CYP24A1: variants seen among roughly 807,000 people sequenced by gnomAD.
CYP24A1 encodes 1,25-dihydroxyvitamin D(3) 24-hydroxylase, mitochondrial.
In CYP24A1, 68 loss-of-function variants were observed where a neutral mutation model predicts 62.4. That is an observed-to-expected ratio of 1.09 (90% CI 0.90 to 1.33). The LOEUF is 1.33. Among genes scored for constraint, CYP24A1 ranks in the 40% most tolerant of loss-of-function variants. The pLI is 0.00. For synonymous variants in CYP24A1, 267 were observed against 253.0 expected (o/e 1.06, Z -0.52); for missense variants, 787 against 653.0 (o/e 1.21, Z -2.24).
the CYP24A1 span, among the ~76,000 whole-genome samples, chr20:54,146,308 T>A: frequency 2.0e-5 from 3 of 152,306 alleles, no homozygotes; most frequent in African/African-American, 7.2e-5. Context: ...CCGGCACCCT[T>A]GGCCTATTGA....
chr20:54,150,346 T>G (rs1314945721), downstream of CYP24A1, among the ~76,000 whole-genome samples: 1 of 152,224 alleles, frequency 6.6e-6, no homozygotes, highest in Non-Finnish European at 1.5e-5. Context: ...TTTTATTTTA[T>G]TTTTTGATAT....
intron 7 of CYP24A1, 93 bp from the exon 8 acceptor site, chr20:54,159,216 C>G: frequency 1.0e-6 from 1 of 963,306 alleles, no homozygotes; most frequent in Non-Finnish European, 1.7e-6. Flanking sequence ...CCACCTTATT[C>G]TGCAAATGTA....
chr20:54,145,639 CAAA>C, the CYP24A1 span, among the ~76,000 whole-genome samples: 33 of 93,820 alleles, frequency 3.5e-4, no homozygotes, highest in African/African-American at 5.5e-4. Flanking sequence ...GACTCTGTCT[CAAA>C]AAAAAAAAAA....
At chr20:54,144,022 A>C in the CYP24A1 span, among the ~76,000 whole-genome samples, 4 of 152,210 alleles carry the variant, frequency 2.6e-5, no homozygotes, top group African/African-American at 9.6e-5. Flanking sequence ...ATAAACCAGT[A>C]ACCATGAAGG....
At position 54,173,880 on chromosome 20, in the gene CYP24A1, G is replaced by A. The variant is rs2092704401; in HGVS notation, c.-301C>T. The A allele has an allele frequency of 4.0e-6, 2 of 501,468 alleles. No individual in the cohort carries two copies. The highest frequency in any genetic ancestry group is 7.2e-6 in the Non-Finnish European group (2 of 277,648). The allele number at this position is 501,468 out of a possible 1,614,324, so 31.1% of individuals were successfully genotyped here. On this transcript the variant is annotated 5_prime_UTR_variant, in exon 1 of 12. Transcript: ENST00000216862. The surrounding 1 kb of genome is among the most constrained non-coding windows in gnomAD (Gnocchi z 7.2). ...AAAAGGGAAAGCTGGGAGTCCTCCT[G>A]TTGGTCCGCAAGGCTGACCTCTAGG... is the stretch of plus-strand genomic sequence containing the variant.
intron 7 of CYP24A1, 74 bp from the exon 8 acceptor site, chr20:54,159,197 T>A: frequency 1.7e-6 from 2 of 1,160,724 alleles, no homozygotes; most frequent in East Asian, 2.3e-5. Flanking sequence ...GAAAAAAAGG[T>A]GATGCCCACC....
At chr20:54,170,453 C>G (rs1322828915) in intron 3 of CYP24A1, among the ~76,000 whole-genome samples, 1 of 152,134 alleles carries the variant, frequency 6.6e-6, no homozygotes, top group East Asian at 1.9e-4. Flanking sequence ...AGTTGCCATC[C>G]TGGACCCTGC....
In CYP24A1 at chr20:54,171,623, A is replaced by C. The variant is rs750971717; in HGVS notation, c.497T>G (p.Leu166Arg). ...CTTCATCACTTCCCCTGGTTTCATT[A>C]GTTTCTTTTGAAAGGCACTCCGGAC... ...QRVRSAFQKK[L>R]MKPGEVMKLD... The change falls in exon 3 of 12, where the codon CTA becomes CGA. Residue 166 changes from leucine to arginine, a missense_variant. By Grantham distance (102) the Leu-to-Arg change is moderately radical. Transcript: ENST00000216862. 6.2e-7 allele frequency: 1 copy of C among 1,613,904 alleles called. No homozygotes were observed. Among genetic ancestry groups the C allele is most frequent in the Admixed American group, 1.7e-5 (1 of 60,002 alleles).
chr20:54,149,448 C>A (rs929531748), downstream of CYP24A1, among the ~76,000 whole-genome samples: 1 of 151,428 alleles, frequency 6.6e-6, no homozygotes, highest in African/African-American at 2.4e-5. Flanking sequence ...AACCAGTACA[C>A]AATAATATAT....
chr20:54,156,083 A>G (rs1324035719), intron 11 of CYP24A1, among the ~76,000 whole-genome samples: 1 of 152,216 alleles, frequency 6.6e-6, no homozygotes, highest in Non-Finnish European at 1.5e-5. Flanking sequence ...TGATAAATAT[A>G]TACATTTATA....
rs1363568546 is a variant in CYP24A1, at chr20:54,153,994, G to A, written c.*778C>T. The A allele has an allele frequency of 6.6e-6, 1 of 151,916 alleles. No individual in the cohort carries two copies. The highest frequency in any genetic ancestry group is 1.5e-5 in the Non-Finnish European group (1 of 67,996). The allele number at this position is 151,916 out of a possible 1,614,324, so 9.4% of individuals were successfully genotyped here. A position where few individuals can be genotyped will look rare whatever the true frequency, so the allele number is the denominator to read the frequency against. ...CCCTGCACCACAGATCCTAAATCAA[G>A]TACTGCAAATATTAAAAAAATGACT... On this transcript the variant is annotated 3_prime_UTR_variant, in exon 12 of 12. Coordinates refer to ENST00000216862, the MANE Select transcript of CYP24A1 (RefSeq NM_000782.5).
intron 4 of CYP24A1, 142 bp from the exon 5 acceptor site, chr20:54,165,975 G>A: frequency 2.6e-5 from 18 of 693,860 alleles, no homozygotes; most frequent in Admixed American, 1.1e-4. Context: ...CAAGAATATT[G>A]AGGAAAAGCA....
Position 54,169,634 on chromosome 20 carries a change from C to T in CYP24A1, c.598G>A (p.Val200Ile), listed in dbSNP as rs770028088. The change falls in exon 4 of 12, where the codon GTT (valine) becomes ATT (isoleucine). Residue 200 changes from valine to isoleucine, a missense_variant. By Grantham distance (29) the Val-to-Ile change is conservative (BLOSUM62 3). Transcript: ENST00000216862. ...IDELCDERGH[V>I]EDLYSELNKW... ...TTCAGTTCGCTGTACAAGTCTTCAA[C>T]GTGGCCTCTTTCATCACAGAGCTCA... 5.4e-5 allele frequency: 87 copies of T among 1,614,086 alleles called. No individual in the cohort carries two copies. The highest frequency in any genetic ancestry group is 2.1e-4 in the South Asian group (19 of 91,086).
the CYP24A1 span, among the ~76,000 whole-genome samples, chr20:54,147,858 G>A: frequency 6.6e-6 from 1 of 151,972 alleles, no homozygotes; most frequent in African/African-American, 2.4e-5. Context: ...TCTTGAGACA[G>A]AGTTTTACTC....
intron 6 of CYP24A1, 23 bp from the exon 7 acceptor site, chr20:54,162,885 G>C: frequency 6.7e-7 from 1 of 1,502,504 alleles, no homozygotes; most frequent in Non-Finnish European, 9.3e-7. Context: ...AGAAGAAAGA[G>C]AGGAAGTCAG....
In CYP24A1 at chr20:54,172,967, T is replaced by C. The variant is rs1338935940; in HGVS notation, c.391A>G (p.Ile131Val). Residue 131 changes from isoleucine (I) to valine (V), a missense_variant, in exon 2 of 12, where the codon ATC (isoleucine) becomes GTC (valine). Transcript: ENST00000216862. ...TCGCGATAGGCCTTCCACGGTTTGA[T>C]CTCCAGCCGCTGCGGGTACGCGCTC... ...TESAYPQRLEIKPWKAYRDYR... is the reference protein window; with the variant it reads ...TESAYPQRLEVKPWKAYRDYR... 7 of 1,613,102 alleles carry C rather than the reference T, an allele frequency of 4.3e-6. 1 individual carries two copies. In the South Asian group the frequency reaches 7.7e-5, roughly 18 times the overall value.
chr20:54,155,749 A>G (rs1022247707), intron 11 of CYP24A1, among the ~76,000 whole-genome samples: 4 of 151,758 alleles, frequency 2.6e-5, no homozygotes. Context: ...AAAAAAAAAA[A>G]AAAAAAAAAA....
At chr20:54,162,351 A>G (rs541181106) in intron 7 of CYP24A1, among the ~76,000 whole-genome samples, 1 of 148,878 alleles carries the variant, frequency 6.7e-6, no homozygotes, top group South Asian at 2.1e-4. Context: ...GTATCTTGCC[A>G]GGGCAGAGAA....
chr20:54,165,126 C>T (rs377546987), intron 5 of CYP24A1, among the ~76,000 whole-genome samples: 1 of 152,380 alleles, frequency 6.6e-6, no homozygotes, highest in Middle Eastern at 3.4e-3. Context: ...ACCCCCAGGC[C>T]GTGAACCAGT....
Sources: gnomAD v4.1 joint callset for allele counts (sites outside exome capture counted in the v4.1 genomes callset) on GRCh38, gnomAD v4.1.1 for gene constraint, Gnocchi (gnomAD v3.1) non-coding constraint, MANE v1.5 for transcripts, NCBI Gene and HGNC (gene_info 2026-07-23, HGNC 2026-07-21) for gene names.